MED12L: variants seen among roughly 807,000 people sequenced by gnomAD.
The protein encoded by MED12L is mediator of RNA polymerase II transcription subunit 12-like protein.
MED12L carries 60 observed loss-of-function variants against 281.3 expected under a neutral mutation model. That is an observed-to-expected ratio of 0.21 (90% confidence interval 0.17 to 0.26). MED12L has a LOEUF of 0.26. Among genes scored for constraint, MED12L ranks in the 10% least tolerant of loss-of-function variants. The probability of loss-of-function intolerance (pLI) is 1.00; values close to 1 mark genes in which losing one functional copy is unlikely to be tolerated. For missense variants in MED12L, 2,146 were observed against 2,680.9 expected (o/e 0.80, Z 4.41); for synonymous variants, 974 against 987.2 (o/e 0.99, Z 0.25).
chr3:151,131,611 A>AAAAC (rs566319899), intron 5 of MED12L, among the ~76,000 whole-genome samples: 64 of 152,314 alleles, frequency 4.2e-4, no homozygotes, highest in African/African-American at 1.4e-3. Context: ...TCTCCCTCAA[A>AAAAC]AAACAAACAA....
At position 151,364,987 on chromosome 3, in the gene MED12L, G is replaced by T; in HGVS notation, c.2966G>T (p.Cys989Phe). Residue 989 changes from cysteine to phenylalanine, a missense_variant, in exon 22 of 45, where the codon TGT (cysteine) becomes TTT (phenylalanine). Cys to Phe is a radical substitution (Grantham distance 205). Around this residue, in one of 9 missense-constraint regions of MED12L, gnomAD observed 404 missense variants for 603.5 expected, o/e 0.67. Coordinates refer to ENST00000687756, the MANE Select transcript of MED12L (RefSeq NM_001393769.1). The part of the protein sequence containing the change: ...SKFGDLFSSA[C>F]SKVKQTIYNN... Reference sequence around the variant, plus strand: ...TTTTCTTATAACCTCAGTAGTGCCTGTTCAAAAGTAAAGCAAACCATATAT... The same window carrying T: ...TTTTCTTATAACCTCAGTAGTGCCTTTTCAAAAGTAAAGCAAACCATATAT... 6.2e-7 allele frequency: 1 copy of T among 1,613,302 alleles called. No individual in the cohort carries two copies. Among genetic ancestry groups the T allele is most frequent in the Non-Finnish European group, 8.5e-7 (1 of 1,179,350 alleles).
chr3:151,218,918 A>G (rs1559892914), intron 16 of MED12L, among the ~76,000 whole-genome samples: 1 of 148,240 alleles, frequency 6.7e-6, no homozygotes, highest in Non-Finnish European at 1.5e-5. Flanking sequence ...ATACTGTAAT[A>G]GTGTAAGTCT....
At chr3:151,316,751 G>T (rs1259821566) in intron 16 of MED12L, 1 of 152,164 alleles carries the variant, frequency 6.6e-6, no homozygotes, top group Non-Finnish European at 1.5e-5. Flanking sequence ...GACAAGGTAG[G>T]TATCTCCCTT....
intron 16 of MED12L, among the ~76,000 whole-genome samples, chr3:151,214,816 G>A (rs1727879097): frequency 6.6e-6 from 1 of 152,062 alleles, no homozygotes; most frequent in South Asian, 2.1e-4. Flanking sequence ...ATCTTAAAAG[G>A]TAGTAACTGT....
intron 8 of MED12L, among the ~76,000 whole-genome samples, chr3:151,161,243 C>T (rs1277313885): frequency 6.6e-6 from 1 of 151,602 alleles, no homozygotes; most frequent in Non-Finnish European, 1.5e-5. Context: ...CAGCTTTGGA[C>T]TATTTTGGAC....
In MED12L at chr3:151,185,251, T is replaced by C. The variant is rs1723121010; in HGVS notation, c.1495-79T>C. On this transcript the variant is annotated intron_variant, in intron 11 of 44. Coordinates refer to ENST00000687756, the MANE Select transcript of MED12L (RefSeq NM_001393769.1). ...GAAAAAAGCTTTAAAGTGTTAGATA[T>C]TCCCTTGCTTGCTTCCTGCCTCTTG... 5 of 1,432,034 alleles carry C rather than the reference T, an allele frequency of 3.5e-6. No individual in the cohort carries two copies. The Admixed American group carries it at 7.8e-5, about 22-fold the overall frequency. The allele number at this position is 1,432,034 out of a possible 1,614,324, so 88.7% of individuals were successfully genotyped here.
intron 14 of MED12L, among the ~76,000 whole-genome samples, chr3:151,191,690 C>T (rs61099669): frequency 0.081 from 12,319 of 152,082 alleles, 1,145 homozygotes; most frequent in African/African-American, 0.22. Context: ...GCAGACCACC[C>T]GAAGTTGGGA....
At chr3:151,346,127 CT>C (rs1411094692) in intron 16 of MED12L, among the ~76,000 whole-genome samples, 2 of 152,162 alleles carry the variant, frequency 1.3e-5, no homozygotes, top group African/African-American at 4.8e-5. Flanking sequence ...ATGATTTGAG[CT>C]TCTTAAGTGT....
chr3:151,169,574 C>A (rs1721165050), intron 11 of MED12L, among the ~76,000 whole-genome samples: 1 of 152,038 alleles, frequency 6.6e-6, no homozygotes, highest in African/African-American at 2.4e-5. Context: ...AGAGTACTTG[C>A]CCTTTTTTTC....
chr3:151,436,460 G>A lies in MED12L; in HGVS notation c.*3656G>A, dbSNP rs781532973. The A allele has an allele frequency of 1.3e-5, 5 of 395,906 alleles. No homozygotes were observed. Among genetic ancestry groups the A allele is most frequent in the Non-Finnish European group, 1.8e-5 (4 of 223,340 alleles). 24.5% of individuals were successfully genotyped at this position (395,906 alleles called of 1,614,324 possible). On this transcript the variant is annotated 3_prime_UTR_variant, in exon 45 of 45. Transcript: ENST00000687756. ...CAATGTTTGTTTATTGTTATTTGTT[G>A]GCAAAATAAAAGTGCCTTAAGTTAA...
rs141361811 is a variant in MED12L, at chr3:151,328,990, C to T, written c.2251-21069C>T. On this transcript the variant is annotated intron_variant, in intron 16 of 44. Transcript: ENST00000687756. ...TGAAGCCTTGCATCACTGTGGTGTT[C>T]ATTGCTTCCAGTGTCACCTGTTACC... 10 of 1,598,580 alleles carry T rather than the reference C, an allele frequency of 6.3e-6. No homozygotes were observed. The African/African-American group carries it at 9.4e-5, about 15-fold the overall frequency.
At chr3:151,430,881 A>G (rs1395007508) in intron 44 of MED12L, among the ~76,000 whole-genome samples, 1 of 150,770 alleles carries the variant, frequency 6.6e-6, no homozygotes, top group South Asian at 2.1e-4. Context: ...CATACACAGC[A>G]TGATCGAGAC....
At chr3:151,327,945 T>C (rs751098191) in intron 16 of MED12L, 19 of 1,320,278 alleles carry the variant, frequency 1.4e-5, no homozygotes, top group Admixed American at 7.8e-5. Context: ...CCACATTATC[T>C]ACGGAAGTCT....
At chr3:151,344,893 A>G (rs1752344256) in intron 16 of MED12L, among the ~76,000 whole-genome samples, 1 of 152,216 alleles carries the variant, frequency 6.6e-6, no homozygotes, top group South Asian at 2.1e-4. Flanking sequence ...TACCATCATT[A>G]TGACATCTTT....
At chr3:151,292,195 A>C (rs1001019938) in intron 16 of MED12L, among the ~76,000 whole-genome samples, 1 of 151,978 alleles carries the variant, frequency 6.6e-6, no homozygotes, top group East Asian at 1.9e-4. Context: ...ATCATTTTTG[A>C]GATTATTGCC....
intron 16 of MED12L, among the ~76,000 whole-genome samples, chr3:151,254,703 T>C (rs539257584): frequency 6.6e-6 from 1 of 152,334 alleles, no homozygotes; most frequent in East Asian, 1.9e-4. Context: ...CATAGATGCT[T>C]CTTAGCATTA....
chr3:151,159,273 C>G (rs1174861458), intron 7 of MED12L, among the ~76,000 whole-genome samples: 1 of 152,190 alleles, frequency 6.6e-6, no homozygotes, highest in African/African-American at 2.4e-5. Context: ...TAAAAAAATT[C>G]TTACGTGATA....
At chr3:151,418,982 C>G (rs1275361545) in intron 43 of MED12L, among the ~76,000 whole-genome samples, 1 of 152,180 alleles carries the variant, frequency 6.6e-6, no homozygotes, top group Non-Finnish European at 1.5e-5. Context: ...AAAATCGCTT[C>G]AAGCATTTCT....
intron 7 of MED12L, among the ~76,000 whole-genome samples, chr3:151,159,470 A>T (rs1464955938): frequency 6.6e-6 from 1 of 152,204 alleles, no homozygotes. Flanking sequence ...TTGAAATGTG[A>T]CCAGTCCAAA....
Sources: gnomAD v4.1 joint callset for allele counts (sites outside exome capture counted in the v4.1 genomes callset) on GRCh38, gnomAD v4.1.1 for gene constraint, gnomAD v4.1.1 regional missense constraint, MANE v1.5 for transcripts, NCBI Gene and HGNC (gene_info 2026-07-23, HGNC 2026-07-21) for gene names.